LPCAT1: variants seen among roughly 807,000 people sequenced by gnomAD.
LPCAT1 encodes lysophosphatidylcholine acyltransferase 1, also known as 1-acylglycerol-3-phosphate O-acyltransferase.
In LPCAT1, 23 loss-of-function variants were observed where a neutral mutation model predicts 60.9. The observed-to-expected ratio is 0.38, with a 90% CI of 0.27 to 0.53. The LOEUF is 0.53. LPCAT1 is among the 20% of genes least tolerant of loss of function. LPCAT1 has a pLI of 0.82. For synonymous variants in LPCAT1, 340 were observed against 301.1 expected (o/e 1.13, Z -1.34); for missense variants, 622 against 723.6 (o/e 0.86, Z 1.61).
At chr5:1,467,268 G>A (rs1734456443) in intron 12 of LPCAT1, 1 of 226,560 alleles carries the variant, frequency 4.4e-6, no homozygotes, top group Non-Finnish European at 8.6e-6. Context: ...GTTCCCCCAC[G>A]GCCCTCTGCC....
In LPCAT1 at chr5:1,502,524, A is replaced by T. The variant is rs1736054924; in HGVS notation, c.136-921T>A. Among the ~76,000 whole-genome samples the T allele has an allele frequency of 6.6e-6, 1 of 152,106 alleles. No individual in the cohort carries two copies. The highest frequency in any genetic ancestry group is 2.1e-4 in the South Asian group (1 of 4,826). ...GCGCAGGTCAATATGGGGGCTCAGG[A>T]AGGCCCCCCAAGCCAGGGCAGGCCC... On this transcript the variant is annotated intron_variant, in intron 1 of 13. Coordinates refer to ENST00000283415, the MANE Select transcript of LPCAT1 (RefSeq NM_024830.5). This position sits in a 1 kb window ranked among gnomAD's most constrained non-coding sequence, Gnocchi z 5.5.
chr5:1,489,158 G>C (rs1274414811), intron 4 of LPCAT1, among the ~76,000 whole-genome samples: 1 of 152,238 alleles, frequency 6.6e-6, no homozygotes, highest in Non-Finnish European at 1.5e-5. Context: ...TGTGGGGGCA[G>C]AGCTGGGGCA....
intron 4 of LPCAT1, among the ~76,000 whole-genome samples, chr5:1,488,716 G>A (rs1012254050): frequency 6.6e-6 from 1 of 152,242 alleles, no homozygotes; most frequent in South Asian, 2.1e-4. Context: ...AAGCAGGGTA[G>A]TCGCGGTGCC....
At chr5:1,497,905 C>A (rs1206730176) in intron 2 of LPCAT1, among the ~76,000 whole-genome samples, 1 of 152,226 alleles carries the variant, frequency 6.6e-6, no homozygotes, top group African/African-American at 2.4e-5. Flanking sequence ...TGGCCCAGCT[C>A]AGGACTTGGC....
intron 1 of LPCAT1, among the ~76,000 whole-genome samples, chr5:1,514,774 G>A (rs1392101976): frequency 6.6e-6 from 1 of 152,058 alleles, no homozygotes; most frequent in African/African-American, 2.4e-5. Context: ...CAACAAAAAG[G>A]TCCCCCTGCG....
At position 1,487,463 on chromosome 5, in the gene LPCAT1, G is replaced by A. The variant is rs1345538525; in HGVS notation, c.667+928C>T. ...CCATCTGCCTGCTGCACCAAGGAGGGTGGAGGGTGAAAGCACGCGCATCTG... is the reference window on the plus strand; with the variant it reads ...CCATCTGCCTGCTGCACCAAGGAGGATGGAGGGTGAAAGCACGCGCATCTG... On this transcript the variant is annotated intron_variant, in intron 5 of 13. Transcript: ENST00000283415. The surrounding 1 kb of genome is among the most constrained non-coding windows in gnomAD (Gnocchi z 6.1). 6.6e-6 allele frequency among the ~76,000 whole-genome samples: 1 copy of A among 152,196 alleles called. No individual in the cohort carries two copies. The highest frequency in any genetic ancestry group is 2.4e-5 in the African/African-American group (1 of 41,450).
chr5:1,505,538 T>C (rs1736155506), intron 1 of LPCAT1, among the ~76,000 whole-genome samples: 2 of 137,088 alleles, frequency 1.5e-5, no homozygotes, highest in Admixed American at 1.5e-4. Context: ...GAGCCCTGGG[T>C]GGGGAGGCCC....
chr5:1,515,140 A>G (rs529964422), intron 1 of LPCAT1, among the ~76,000 whole-genome samples: 1 of 150,818 alleles, frequency 6.6e-6, no homozygotes, highest in East Asian at 1.9e-4. Flanking sequence ...TCCTACTCCG[A>G]ACTGGCCGCA....
At chr5:1,507,399 G>A (rs1234626682) in intron 1 of LPCAT1, among the ~76,000 whole-genome samples, 1 of 152,268 alleles carries the variant, frequency 6.6e-6, no homozygotes, top group Non-Finnish European at 1.5e-5. Flanking sequence ...CTGAGGCTGA[G>A]TTACTTCAAC....
intron 13 of LPCAT1, among the ~76,000 whole-genome samples, chr5:1,464,739 G>GAC (rs367621142): frequency 3.1e-5 from 4 of 129,198 alleles, no homozygotes; most frequent in Admixed American, 7.9e-5. Context: ...CATGCACGCA[G>GAC]ACACACACAC....
At chr5:1,479,476 G>C in intron 8 of LPCAT1, 145 bp downstream of exon 8, 1 of 670,070 alleles carries the variant, frequency 1.5e-6, no homozygotes, top group South Asian at 1.7e-5. Flanking sequence ...GAGGCTCCTC[G>C]AAGGAGCCCT....
chr5:1,512,082 T>A (rs1378021826), intron 1 of LPCAT1, among the ~76,000 whole-genome samples: 2 of 152,072 alleles, frequency 1.3e-5, no homozygotes, highest in African/African-American at 4.8e-5. Flanking sequence ...ACACAGCAGG[T>A]GGCAGAGGGC....
At chr5:1,469,074 G>A (rs1353462645) in intron 12 of LPCAT1, among the ~76,000 whole-genome samples, 4 of 152,238 alleles carry the variant, frequency 2.6e-5, no homozygotes, top group Admixed American at 6.5e-5. Flanking sequence ...GGCATATGCC[G>A]TCAGGGCGGA....
chr5:1,490,121 C>T (rs531822423), intron 3 of LPCAT1, among the ~76,000 whole-genome samples: 219 of 152,336 alleles, frequency 1.4e-3, no homozygotes, highest in African/African-American at 5.1e-3. Flanking sequence ...ACTGAGGACA[C>T]GGAGCACAGA....
chr5:1,504,360 G>T lies in LPCAT1; in HGVS notation c.136-2757C>A, dbSNP rs974006003. On this transcript the variant is annotated intron_variant, in intron 1 of 13. Coordinates refer to ENST00000283415, the MANE Select transcript of LPCAT1 (RefSeq NM_024830.5). ...GGCCTTCAGCCCACCTGGTCCCGGG[G>T]CTCCAGGGCCACTGGCTGGGAAGAG... Among the ~76,000 whole-genome samples, 8 of 152,370 alleles carry T rather than the reference G, an allele frequency of 5.3e-5. No homozygotes were observed. The South Asian group carries it at 1.7e-3, about 32-fold the overall frequency.
intron 1 of LPCAT1, among the ~76,000 whole-genome samples, chr5:1,508,219 C>T (rs1736245408): frequency 6.6e-6 from 1 of 152,222 alleles, no homozygotes; most frequent in African/African-American, 2.4e-5. Context: ...GTGACCCCGG[C>T]CTGGCCACAC....
At chr5:1,520,732 G>A (rs549056583) in intron 1 of LPCAT1, among the ~76,000 whole-genome samples, 183 of 151,508 alleles carry the variant, frequency 1.2e-3, no homozygotes, top group Non-Finnish European at 1.8e-3. Context: ...GCATTGTGGC[G>A]GGCGCCTGTA....
intron 1 of LPCAT1, among the ~76,000 whole-genome samples, chr5:1,505,877 A>G (rs1273255929): frequency 6.6e-6 from 1 of 152,218 alleles, no homozygotes; most frequent in Non-Finnish European, 1.5e-5. Flanking sequence ...TCTATGGGAA[A>G]GAATGCCTGA....
rs1032005944 is a variant in LPCAT1, at chr5:1,466,824, G to A, written c.1345C>T (p.Leu449=). The A allele has an allele frequency of 4.3e-6, 7 of 1,613,420 alleles. No homozygotes were observed. Among genetic ancestry groups the A allele is most frequent in the South Asian group, 1.1e-5 (1 of 91,008 alleles). The change falls in exon 13 of 14, where the codon CTG becomes TTG. Residue 449 remains leucine (L), a synonymous_variant. Coordinates refer to ENST00000283415, the MANE Select transcript of LPCAT1 (RefSeq NM_024830.5). ...GDLSCILKTA[L]GVAELTVTDL... ...GTCACGGTGAGCTCTGCCACCCCCAGGGCCGTCTTGAGGATGCAGGACAGG... is the reference window on the plus strand; with the variant it reads ...GTCACGGTGAGCTCTGCCACCCCCAAGGCCGTCTTGAGGATGCAGGACAGG...
Sources: gnomAD v4.1 joint callset for allele counts (sites outside exome capture counted in the v4.1 genomes callset) on GRCh38, gnomAD v4.1.1 for gene constraint, Gnocchi (gnomAD v3.1) non-coding constraint, MANE v1.5 for transcripts, NCBI Gene and HGNC (gene_info 2026-07-23, HGNC 2026-07-21) for gene names.